The following ETFRF1 variants were observed in gnomAD, a reference collection of about 807,000 sequenced individuals.
The protein encoded by ETFRF1 is LYR motif containing 5.
A neutral mutation model predicts 9.0 loss-of-function variants in ETFRF1; 12 were observed. That is an observed-to-expected ratio of 1.34 (90% CI 0.86 to 2.16). The LOEUF is 2.16. Among genes scored for constraint, ETFRF1 ranks in the 30% most tolerant of loss-of-function variants. The pLI is 0.00. For synonymous variants in ETFRF1, 34 were observed against 33.2 expected (o/e 1.02, Z -0.08); for missense variants, 98 against 101.8 (o/e 0.96, Z 0.16).
At chr12:25,200,857 A>G (rs2141469348) in intron 1 of ETFRF1, among the ~76,000 whole-genome samples, 1 of 152,344 alleles carries the variant, frequency 6.6e-6, no homozygotes, top group East Asian at 1.9e-4. Flanking sequence ...GGATTCCAGC[A>G]CCACAGTTGT....
Position 25,204,257 on chromosome 12 carries a change from G to A in ETFRF1, c.218G>A (p.Arg73Lys). Reference protein sequence around the residue: ...MKELEALYFLRKYRAMKQRYY... With the variant: ...MKELEALYFLKKYRAMKQRYY... Reference sequence around the variant, plus strand: ...GAGCTAGAAGCTTTGTACTTCCTTAGGAAATACAGAGCTATGAAACAACGC... The same window carrying A: ...GAGCTAGAAGCTTTGTACTTCCTTAAGAAATACAGAGCTATGAAACAACGC... The change falls in exon 3 of 3, where the codon AGG becomes AAG. Residue 73 changes from arginine (R) to lysine (K), a missense_variant. Coordinates refer to ENST00000381356, the MANE Select transcript of ETFRF1 (RefSeq NM_001001660.3). 1 of 1,603,734 alleles carries A rather than the reference G, an allele frequency of 6.2e-7. No individual in the cohort carries two copies. The highest frequency in any genetic ancestry group is 1.3e-5 in the African/African-American group (1 of 74,174).
At chr12:25,202,498 G>C (rs933788208) in intron 1 of ETFRF1, among the ~76,000 whole-genome samples, 1 of 152,078 alleles carries the variant, frequency 6.6e-6, no homozygotes, top group African/African-American at 2.4e-5. Flanking sequence ...TTTGGAATGG[G>C]AACAAAAGGT....
At position 25,205,084 on chromosome 12, in the gene ETFRF1, C is replaced by T. The variant is rs765074039; in HGVS notation, c.*772C>T. The stretch of plus-strand genomic sequence containing the variant: ...ATATGGTTTTAAGTTTAAGCAAACA[C>T]GCCTTTACATAATATCCACAGCACC... On this transcript the variant is annotated 3_prime_UTR_variant, in exon 3 of 3. Coordinates refer to ENST00000381356, the MANE Select transcript of ETFRF1 (RefSeq NM_001001660.3). 19 of 214,186 alleles carry T rather than the reference C, an allele frequency of 8.9e-5. No individual in the cohort carries two copies. Among genetic ancestry groups the T allele is most frequent in the Non-Finnish European group, 1.5e-4 (16 of 105,802 alleles). The allele number at this position is 214,186 out of a possible 1,614,324, so 13.3% of individuals were successfully genotyped here.
intron 1 of ETFRF1, among the ~76,000 whole-genome samples, chr12:25,202,470 G>A (rs1951082920): frequency 1.3e-5 from 2 of 152,080 alleles, no homozygotes; most frequent in Non-Finnish European, 2.9e-5. Context: ...TAGGGTGAAG[G>A]AAATGGTGGC....
Position 25,195,334 on chromosome 12 carries a change from GA to G in ETFRF1, c.-38del. On this transcript the variant is annotated splice_region_variant and 5_prime_UTR_variant, in exon 1 of 3. Coordinates refer to ENST00000381356, the MANE Select transcript of ETFRF1 (RefSeq NM_001001660.3). ...AGGCTTTTGCGGCTCCGGCGTGCCG[GA>G]AAGTGCGTGAGTGCCGCCGCCGGGG... 1.7e-6 allele frequency: 1 copy of G among 600,716 alleles called. No individual in the cohort carries two copies. Among genetic ancestry groups the G allele is most frequent in the South Asian group, 2.0e-5 (1 of 50,586 alleles). The allele number at this position is 600,716 out of a possible 1,614,324, so 37.2% of individuals were successfully genotyped here. A position where few individuals can be genotyped will look rare whatever the true frequency, so the allele number is the denominator to read the frequency against.
intron 1 of ETFRF1, among the ~76,000 whole-genome samples, chr12:25,201,401 G>T (rs1951072045): frequency 6.6e-6 from 1 of 152,126 alleles, no homozygotes; most frequent in Non-Finnish European, 1.5e-5. Context: ...ATTCGTGCTT[G>T]CTGCTCAAAT....
intron 1 of ETFRF1, among the ~76,000 whole-genome samples, chr12:25,197,592 A>C (rs1951040918): frequency 6.6e-6 from 1 of 152,016 alleles, no homozygotes; most frequent in African/African-American, 2.4e-5. Context: ...AGCCTCTCAA[A>C]TAGCTGAGAC....
chr12:25,199,775 T>C (rs186161210), intron 1 of ETFRF1, among the ~76,000 whole-genome samples: 36 of 152,260 alleles, frequency 2.4e-4, no homozygotes, highest in Non-Finnish European at 1.2e-4. Flanking sequence ...ATTATAATTT[T>C]TGAGTATTTT....
intron 1 of ETFRF1, among the ~76,000 whole-genome samples, chr12:25,202,968 T>C (rs1261205076): frequency 1.3e-5 from 2 of 152,310 alleles, no homozygotes; most frequent in South Asian, 2.1e-4. Flanking sequence ...CCATGGTGAT[T>C]AGCATTTTTA....
intron 1 of ETFRF1, among the ~76,000 whole-genome samples, chr12:25,199,202 AATAT>A (rs1051346047): frequency 2.0e-5 from 3 of 149,560 alleles, no homozygotes; most frequent in Non-Finnish European, 4.4e-5. Flanking sequence ...CATATAGTAT[AATAT>A]ATAGTATACA....
intron 1 of ETFRF1, among the ~76,000 whole-genome samples, chr12:25,198,693 A>G (rs1253912079): frequency 1.3e-5 from 2 of 152,250 alleles, no homozygotes; most frequent in African/African-American, 4.8e-5. Context: ...TGTTATGTGA[A>G]TTAGCTCATT....
chr12:25,200,456 C>T (rs1951065969), intron 1 of ETFRF1, among the ~76,000 whole-genome samples: 2 of 152,186 alleles, frequency 1.3e-5, no homozygotes, highest in South Asian at 4.1e-4. Flanking sequence ...ACATCACTAA[C>T]ATTTCAAAAT....
chr12:25,195,283 G>A lies in ETFRF1; in HGVS notation c.-92G>A. The A allele has an allele frequency of 7.8e-6, 5 of 640,674 alleles. No individual in the cohort carries two copies. The highest frequency in any genetic ancestry group is 7.2e-5 in the South Asian group (4 of 55,762). 39.7% of individuals were successfully genotyped at this position (640,674 alleles called of 1,614,324 possible). A position where few individuals can be genotyped will look rare whatever the true frequency, so the allele number is the denominator to read the frequency against. ...CCCAACGCCACCCCGCTTCGCAGTA[G>A]ACGGACAGAGGAGTCGTAGCGGTCG... On this transcript the variant is annotated 5_prime_UTR_variant, in exon 1 of 3. Coordinates refer to ENST00000381356, the MANE Select transcript of ETFRF1 (RefSeq NM_001001660.3).
chr12:25,203,679 T>C (rs1951096226), intron 1 of ETFRF1: 1 of 304,460 alleles, frequency 3.3e-6, no homozygotes. Context: ...ATTTCCTTCA[T>C]GTGACTTCTC....
chr12:25,202,065 A>AAAAAG lies in ETFRF1; in HGVS notation c.-37-1851_-37-1850insGAAAA, dbSNP rs1478832213. 4.4e-4 allele frequency among the ~76,000 whole-genome samples: 54 copies of AAAAAG among 123,590 alleles called. 4 individuals carry two copies. In the South Asian group the frequency reaches 0.014, roughly 31 times the overall value. The allele number at this position is 123,590 out of a possible 152,430, so 81.1% of individuals were successfully genotyped here. On this transcript the variant is annotated intron_variant, in intron 1 of 2. Transcript: ENST00000381356. ...GAAACCCCGTCTCTACTGAAATACA[A>AAAAAG]AAAAAAAAAAAAAAAAAATTAGCCA...
chr12:25,196,340 G>T (rs1165817637), intron 1 of ETFRF1, among the ~76,000 whole-genome samples: 1 of 152,178 alleles, frequency 6.6e-6, no homozygotes, highest in African/African-American at 2.4e-5. Context: ...TAAAACTAAT[G>T]TTTAATGATA....
At chr12:25,197,726 C>T (rs896076090) in intron 1 of ETFRF1, among the ~76,000 whole-genome samples, 2 of 152,120 alleles carry the variant, frequency 1.3e-5, no homozygotes, top group African/African-American at 4.8e-5. Flanking sequence ...CAGCCCTGGC[C>T]TCCCAAAGTG....
chr12:25,204,063 T>G (rs748605838), intron 2 of ETFRF1, 28 bp from the exon 3 acceptor site: 4 of 1,548,060 alleles, frequency 2.6e-6, no homozygotes, highest in Admixed American at 3.9e-5. Flanking sequence ...ATGGATTGTT[T>G]AGAAATATAT....
At chr12:25,197,809 T>A (rs1951042482) in intron 1 of ETFRF1, among the ~76,000 whole-genome samples, 1 of 152,114 alleles carries the variant, frequency 6.6e-6, no homozygotes, top group East Asian at 1.9e-4. Context: ...ACGCTGCTAA[T>A]GGCTCTCTGC....
Sources: allele counts gnomAD v4.1 joint callset (sites outside exome capture counted in the v4.1 genomes callset), GRCh38; gene constraint gnomAD v4.1.1; transcripts MANE v1.5; gene names NCBI Gene and HGNC (gene_info 2026-07-23, HGNC 2026-07-21).